The following EIF3K variants were observed in gnomAD, a reference collection of about 807,000 sequenced individuals.
EIF3K encodes the protein eukaryotic translation initiation factor 3 subunit K, also known as eIF-3 p28.
Under a neutral mutation model 34.2 loss-of-function variants are expected in EIF3K, and 27 were observed. That is an observed-to-expected ratio of 0.79 (90% confidence interval 0.58 to 1.09). EIF3K has a LOEUF of 1.09. EIF3K is among the 50% of genes least tolerant of loss of function. EIF3K has a pLI of 0.00. For synonymous variants in EIF3K, 105 were observed against 105.7 expected, an observed-to-expected ratio of 0.99 and a Z score of 0.04; for missense variants, 232 against 275.4, an observed-to-expected ratio of 0.84 and a Z score of 1.11.
At chr19:38,633,797 A>G (rs1976125259) in intron 6 of EIF3K, among the ~76,000 whole-genome samples, 1 of 151,612 alleles carries the variant, frequency 6.6e-6, no homozygotes, top group Non-Finnish European at 1.5e-5. Context: ...ACATGGGGAA[A>G]CCCCGTCTCT....
rs1599738716 is a variant in EIF3K at position 38,632,351 on chromosome 19, C to T, written c.355-79C>T. ...GACCAGCCTGGGCAACGTAGTGAGA[C>T]CCCATCTCTATAAATAAATAAAAAT... On this transcript the variant is annotated intron_variant, in intron 4 of 7. Transcript: ENST00000248342. 4.3e-6 allele frequency: 6 copies of T among 1,391,422 alleles called. No homozygotes were observed. The Admixed American group carries it at 8.7e-5, about 20-fold the overall frequency. The allele number at this position is 1,391,422 out of a possible 1,614,324, so 86.2% of individuals were successfully genotyped here.
rs1271299075 is a variant in EIF3K, at chr19:38,620,381, C to T, written c.104C>T (p.Thr35Met). ...GCCACCCTGGAGCGCTATGTAGAGACGCAGGCCAAGGAAAATGCCTATGAT... is the reference window on the plus strand; with the variant it reads ...GCCACCCTGGAGCGCTATGTAGAGATGCAGGCCAAGGAAAATGCCTATGAT... ...NLATLERYVE[T>M]QAKENAYDLE... Residue 35 changes from threonine to methionine, a missense_variant, in exon 2 of 8, where the codon ACG (threonine) becomes ATG (methionine). Transcript: ENST00000248342. The T allele has an allele frequency of 5.6e-6, 9 of 1,614,038 alleles. No homozygotes were observed. Among genetic ancestry groups the T allele is most frequent in the South Asian group, 2.2e-5 (2 of 91,064 alleles).
chr19:38,628,772 C>T (rs1289944246), intron 4 of EIF3K, among the ~76,000 whole-genome samples: 2 of 151,574 alleles, frequency 1.3e-5, no homozygotes, highest in Non-Finnish European at 2.9e-5. Context: ...TGCGGTGAGC[C>T]GAGATCATGC....
At chr19:38,619,464 T>A in intron 1 of EIF3K, 137 bp downstream of exon 1, 2 of 970,560 alleles carry the variant, frequency 2.1e-6, no homozygotes, top group Non-Finnish European at 3.1e-6. Flanking sequence ...AGGAGATGCT[T>A]AAAGAAACGG....
Position 38,620,499 on chromosome 19 carries a change from C to T in EIF3K, c.158+64C>T. 4 of 1,396,250 alleles carry T rather than the reference C, an allele frequency of 2.9e-6. No individual in the cohort carries two copies. In the Admixed American group the frequency reaches 5.4e-5, roughly 19 times the overall value. 86.5% of individuals were successfully genotyped at this position (1,396,250 alleles called of 1,614,324 possible). On this transcript the variant is annotated intron_variant, in intron 2 of 7. Coordinates refer to ENST00000248342, the MANE Select transcript of EIF3K (RefSeq NM_013234.4). ...AACTAGCAGGGTGCCACTCCCAGTA[C>T]AGGGCAAGGGGGTGGCTGGTAGTAT...
intron 7 of EIF3K, 37 bp from the exon 8 acceptor site, chr19:38,636,852 C>A: frequency 6.2e-7 from 1 of 1,614,064 alleles, no homozygotes; most frequent in Non-Finnish European, 8.5e-7. Context: ...TGTCTCCCGC[C>A]CTTCTCACCT....
In EIF3K at chr19:38,626,052, AT is replaced by A. The variant is rs1568653163; in HGVS notation, c.308del (p.Leu103CysfsTer29). On this transcript the variant is annotated frameshift_variant, in exon 4 of 8. Transcript: ENST00000248342. LOFTEE classifies it high-confidence loss of function. ...GCAAGAAGAACGGCCAATCCGACAG[AT>A]TTTGTACCTCGGGGACCTGCTGGAG... The part of the protein sequence containing the change: ...AHQEERPIRQ[I>X]LYLGDLLETC... 6.2e-7 allele frequency: 1 copy of A among 1,614,140 alleles called. No homozygotes were observed. The highest frequency in any genetic ancestry group is 1.7e-5 in the Admixed American group (1 of 60,008).
rs1260005623 is a variant in EIF3K at position 38,619,294 on chromosome 19, C to T, written c.26C>T (p.Ala9Val). MAMFEQMR[A>V]NVGKLLKGID... ...ATGGCGATGTTTGAGCAGATGAGAG[C>T]CAACGTGGGCAAGTTGCTCAAGGGT... The change falls in exon 1 of 8, where the codon GCC (alanine) becomes GTC (valine). Residue 9 changes from alanine (A) to valine (V), a missense_variant. Transcript: ENST00000248342. 6.2e-7 allele frequency: 1 copy of T among 1,614,068 alleles called. No individual in the cohort carries two copies. Among genetic ancestry groups the T allele is most frequent in the South Asian group, 1.1e-5 (1 of 91,078 alleles).
chr19:38,619,385 C>T (rs1305350991), intron 1 of EIF3K, 58 bp downstream of exon 1: 3 of 1,597,270 alleles, frequency 1.9e-6, no homozygotes, highest in Non-Finnish European at 2.6e-6. Flanking sequence ...GAGGGTTTTC[C>T]GGAGACAGCA....
At chr19:38,622,662 C>T (rs1025549441) in intron 2 of EIF3K, among the ~76,000 whole-genome samples, 1 of 152,152 alleles carries the variant, frequency 6.6e-6, no homozygotes, top group Non-Finnish European at 1.5e-5. Context: ...ATTTATTAGG[C>T]GGGAATTTCC....
At chr19:38,620,826 G>A (rs765524765) in intron 2 of EIF3K, among the ~76,000 whole-genome samples, 43 of 151,826 alleles carry the variant, frequency 2.8e-4, no homozygotes, top group Non-Finnish European at 4.7e-4. Flanking sequence ...CCCAGGAGGC[G>A]GAGATTGTGG....
rs1976158191 is a variant in EIF3K at position 38,634,991 on chromosome 19, AGACAGCCAGCTAAAG to A, written c.500_514del (p.Asp167_Lys171del). 1 of 1,614,136 alleles carries A rather than the reference AGACAGCCAGCTAAAG, an allele frequency of 6.2e-7. No homozygotes were observed. The highest frequency in any genetic ancestry group is 1.1e-5 in the South Asian group (1 of 91,070). ...GCCCCTTGCTGCCCCTGTCACCTGC[AGACAGCCAGCTAAAG>A]GTGTGGATGAGCAAATACGGCTGGA... is the stretch of plus-strand genomic sequence containing the variant. On this transcript the variant is annotated splice_acceptor_variant and coding_sequence_variant, in exon 7 of 8. Coordinates refer to ENST00000248342, the MANE Select transcript of EIF3K (RefSeq NM_013234.4). LOFTEE classifies it high-confidence loss of function.
intron 6 of EIF3K, among the ~76,000 whole-genome samples, chr19:38,633,642 G>A (rs773984744): frequency 1.3e-5 from 2 of 150,736 alleles, no homozygotes; most frequent in Non-Finnish European, 3.0e-5. Context: ...AGGTTGCAGT[G>A]AGCTGAGATC....
chr19:38,620,231 A>G, intron 1 of EIF3K, 106 bp from the exon 2 acceptor site: 1 of 862,910 alleles, frequency 1.2e-6, no homozygotes, highest in Non-Finnish European at 1.9e-6. Flanking sequence ...TGCCAGATTT[A>G]GAGGGGAAGG....
At chr19:38,624,221 G>A in intron 3 of EIF3K, 24 bp downstream of exon 3, 1 of 1,613,630 alleles carries the variant, frequency 6.2e-7, no homozygotes, top group Non-Finnish European at 8.5e-7. Context: ...ACTGGGGCCG[G>A]GGGGTGTGTG....
At chr19:38,636,797 C>T (rs1976201246) in intron 7 of EIF3K, 92 bp from the exon 8 acceptor site, 3 of 1,453,480 alleles carry the variant, frequency 2.1e-6, no homozygotes, top group Middle Eastern at 1.7e-4. Flanking sequence ...AGTTTATGAT[C>T]TCCCCCTAAA....
At chr19:38,635,223 G>A in intron 7 of EIF3K, 105 bp downstream of exon 7, 1 of 1,524,856 alleles carries the variant, frequency 6.6e-7, no homozygotes, top group Non-Finnish European at 9.0e-7. Context: ...TCGTGTTCTG[G>A]GCTGGGAAGT....
At chr19:38,625,527 T>TTTTTTTTTTTA (rs1975931571) in intron 3 of EIF3K, among the ~76,000 whole-genome samples, 1 of 151,836 alleles carries the variant, frequency 6.6e-6, no homozygotes, top group African/African-American at 2.4e-5. Context: ...TCTTTTTTTT[T>TTTTTTTTTTTA]GAGATGGAGT....
intron 3 of EIF3K, among the ~76,000 whole-genome samples, chr19:38,625,587 A>G (rs1199521153): frequency 6.7e-6 from 1 of 149,486 alleles, no homozygotes; most frequent in African/African-American, 2.5e-5. Flanking sequence ...TTGGCTCACT[A>G]CAACCTCCTC....
Sources: allele counts gnomAD v4.1 joint callset (sites outside exome capture counted in the v4.1 genomes callset), GRCh38; gene constraint gnomAD v4.1.1; transcripts MANE v1.5; gene names NCBI Gene and HGNC (gene_info 2026-07-23, HGNC 2026-07-21).